The following FGF14 variants were observed in gnomAD, a reference collection of about 807,000 sequenced individuals.
FGF14 encodes fibroblast growth factor homologous factor 4.
FGF14 carries 5 observed loss-of-function variants against 25.5 expected under a neutral mutation model. The observed-to-expected ratio is 0.20, with a 90% CI of 0.10 to 0.41. FGF14 has a LOEUF of 0.41. FGF14 is among the 10% of genes least tolerant of loss of function. FGF14 has a pLI of 1.00. For synonymous variants in FGF14, 138 were observed against 118.3 expected, an observed-to-expected ratio of 1.17 and a Z score of -1.08; for missense variants, 222 against 320.1, an observed-to-expected ratio of 0.69 and a Z score of 2.34.
intron 1 of FGF14, among the ~76,000 whole-genome samples, chr13:102,257,062 A>G (rs1404183634): frequency 6.6e-6 from 1 of 152,182 alleles, no homozygotes; most frequent in African/African-American, 2.4e-5. Context: ...GGCTTGCATA[A>G]TAATTGGCAT....
chr13:101,953,814 T>C (rs2036335750), intron 1 of FGF14, among the ~76,000 whole-genome samples: 1 of 151,990 alleles, frequency 6.6e-6, no homozygotes. Flanking sequence ...GGTCATGAAC[T>C]CCTGACCTCA....
intron 2 of FGF14, among the ~76,000 whole-genome samples, chr13:101,869,908 T>G (rs1594550571): frequency 6.6e-6 from 1 of 152,220 alleles, no homozygotes; most frequent in Non-Finnish European, 1.5e-5. Flanking sequence ...CTCAGGGACA[T>G]GTTTCCTCCT....
At chr13:101,802,803 A>C (rs978369977) in intron 3 of FGF14, among the ~76,000 whole-genome samples, 1 of 152,216 alleles carries the variant, frequency 6.6e-6, no homozygotes, top group Non-Finnish European at 1.5e-5. Context: ...GATGTTTACT[A>C]TTTGGCTATG....
intron 2 of FGF14, among the ~76,000 whole-genome samples, chr13:101,869,833 T>C (rs2044948910): frequency 6.6e-6 from 1 of 152,208 alleles, no homozygotes; most frequent in Non-Finnish European, 1.5e-5. Flanking sequence ...AATTTGGACT[T>C]CATTCCAAGG....
chr13:102,166,543 C>T (rs2048021441), intron 1 of FGF14, among the ~76,000 whole-genome samples: 1 of 151,974 alleles, frequency 6.6e-6, no homozygotes, highest in Non-Finnish European at 1.5e-5. Flanking sequence ...CATTTAGTGC[C>T]ATATTTTTTG....
chr13:101,937,486 C>T (rs190092787), intron 1 of FGF14, among the ~76,000 whole-genome samples: 4 of 152,262 alleles, frequency 2.6e-5, no homozygotes, highest in South Asian at 2.1e-4. Context: ...AGAAGGTGGC[C>T]GTGGGCAAGC....
intron 1 of FGF14, among the ~76,000 whole-genome samples, chr13:102,094,921 G>A (rs2044322658): frequency 2.0e-5 from 3 of 152,050 alleles, no homozygotes. Flanking sequence ...CCCTAATTCA[G>A]CCTTTAAGTC....
intron 3 of FGF14, among the ~76,000 whole-genome samples, chr13:101,823,931 T>C (rs1197225965): frequency 2.6e-5 from 4 of 151,572 alleles, no homozygotes; most frequent in African/African-American, 9.7e-5. Context: ...TCAATTATAA[T>C]ATTTATGCAC....
chr13:102,014,712 T>A (rs59864780), intron 1 of FGF14, among the ~76,000 whole-genome samples: 4,813 of 152,238 alleles, frequency 0.032, 246 homozygotes, highest in African/African-American at 0.11. Flanking sequence ...TTATTTCGTA[T>A]GTAAATGATT....
intron 3 of FGF14, among the ~76,000 whole-genome samples, chr13:101,754,010 A>G (rs72660320): frequency 0.049 from 7,502 of 152,254 alleles, 205 homozygotes; most frequent in Middle Eastern, 0.071. Context: ...GAAAGCGGCC[A>G]AATCTGGAGA....
chr13:102,134,400 T>C (rs1469490301), intron 1 of FGF14, among the ~76,000 whole-genome samples: 1 of 152,212 alleles, frequency 6.6e-6, no homozygotes, highest in African/African-American at 2.4e-5. Context: ...AGATAATCAA[T>C]TGTCCTGAAT....
intron 1 of FGF14, among the ~76,000 whole-genome samples, chr13:102,185,622 C>G (rs901530888): frequency 2.6e-5 from 4 of 152,254 alleles, no homozygotes; most frequent in African/African-American, 9.6e-5. Context: ...GTTAATATTA[C>G]ACCTTCTCTA....
chr13:101,737,053 T>C (rs1203275509), intron 3 of FGF14, among the ~76,000 whole-genome samples: 2 of 147,022 alleles, frequency 1.4e-5, no homozygotes, highest in African/African-American at 4.9e-5. Context: ...TTTAGCCTTA[T>C]GTTTTATAAG....
intron 1 of FGF14, among the ~76,000 whole-genome samples, chr13:102,125,194 A>C (rs2045902371): frequency 1.3e-5 from 2 of 152,108 alleles, no homozygotes; most frequent in Admixed American, 6.6e-5. Flanking sequence ...TTCTATTGAA[A>C]ATTTATTTTG....
chr13:101,923,225 T>G, intron 1 of FGF14, among the ~76,000 whole-genome samples: 1 of 152,238 alleles, frequency 6.6e-6, no homozygotes, highest in African/African-American at 2.4e-5. Flanking sequence ...ATGGTTTCCT[T>G]TGTGAATCAC....
chr13:102,352,287 AC>A (rs1158599016), intron 1 of FGF14, among the ~76,000 whole-genome samples: 2 of 140,972 alleles, frequency 1.4e-5, no homozygotes, highest in South Asian at 4.6e-4. Flanking sequence ...ACACACACAC[AC>A]ACCTGCAACA....
At chr13:102,100,827 C>T (rs111381159) in intron 1 of FGF14, among the ~76,000 whole-genome samples, 184 of 152,198 alleles carry the variant, frequency 1.2e-3, no homozygotes, top group African/African-American at 4.0e-3. Flanking sequence ...AGGCTGGGCA[C>T]GGTGGCTCAC....
At chr13:102,098,862 C>T (rs920865596) in intron 1 of FGF14, among the ~76,000 whole-genome samples, 5 of 152,182 alleles carry the variant, frequency 3.3e-5, no homozygotes, top group African/African-American at 1.2e-4. Flanking sequence ...TTATATTAAA[C>T]TTAGACTTCA....
At chr13:101,849,693 GC>G (rs948783657) in intron 3 of FGF14, among the ~76,000 whole-genome samples, 1 of 152,120 alleles carries the variant, frequency 6.6e-6, no homozygotes, top group Non-Finnish European at 1.5e-5. Context: ...ACATGGCTGA[GC>G]ATAGTTTAGG....
Sources: gnomAD v4.1 joint callset for allele counts (sites outside exome capture counted in the v4.1 genomes callset) on GRCh38, gnomAD v4.1.1 for gene constraint, MANE v1.5 for transcripts, NCBI Gene and HGNC (gene_info 2026-07-23, HGNC 2026-07-21) for gene names.